PLAAT5: variants seen among roughly 807,000 people sequenced by gnomAD.
The protein encoded by PLAAT5 is phospholipase A and acyltransferase 5.
Under a neutral mutation model 27.8 loss-of-function variants are expected in PLAAT5, and 27 were observed. The observed-to-expected ratio is 0.97, with a 90% CI of 0.72 to 1.34. The LOEUF (loss-of-function observed/expected upper bound fraction) is 1.34. PLAAT5 is among the 40% of genes most tolerant of loss of function. PLAAT5 has a pLI of 0.00. For missense variants in PLAAT5, 368 were observed against 343.8 expected (o/e 1.07, Z -0.56); for synonymous variants, 125 against 136.1 (o/e 0.92, Z 0.57).
At chr11:63,464,434 G>T (rs1156850167) in intron 5 of PLAAT5, among the ~76,000 whole-genome samples, 2 of 152,132 alleles carry the variant, frequency 1.3e-5, no homozygotes, top group African/African-American at 4.8e-5. Context: ...GAGGCGTGTG[G>T]GTCACGAGGT....
chr11:63,463,562 C>A lies in PLAAT5; in HGVS notation c.751G>T (p.Ala251Ser). 6.2e-7 allele frequency: 1 copy of A among 1,613,864 alleles called. No individual in the cohort carries two copies. The highest frequency in any genetic ancestry group is 8.5e-7 in the Non-Finnish European group (1 of 1,180,020). Residue 251 changes from alanine (A) to serine (S), a missense_variant, in exon 6 of 6, where the codon GCT (alanine) becomes TCT (serine). Physicochemically the swap from Ala to Ser is moderately conservative, Grantham distance 99. Transcript: ENST00000540857. ...EHALMEGAKA[A>S]GAVISAVVDS... ...ACTACAGCTGAAATAACTGCTCCAG[C>A]AGCCTTCGCTCCTTCCATCAGGGCG... is the stretch of plus-strand genomic sequence containing the variant.
chr11:63,466,914 G>A (rs192926474), intron 4 of PLAAT5, among the ~76,000 whole-genome samples: 9 of 152,190 alleles, frequency 5.9e-5, no homozygotes, highest in Admixed American at 1.3e-4. Flanking sequence ...ACTCAAATAC[G>A]GGGATTCTCA....
At chr11:63,485,848 G>A (rs12797293) in intron 3 of PLAAT5, among the ~76,000 whole-genome samples, 3,013 of 152,242 alleles carry the variant, frequency 0.02, 42 homozygotes, top group Non-Finnish European at 0.032. Context: ...AACCCACAGA[G>A]TGGGAGAGAA....
intron 3 of PLAAT5, among the ~76,000 whole-genome samples, chr11:63,476,422 C>G (rs761046195): frequency 7.2e-5 from 11 of 152,054 alleles, no homozygotes; most frequent in Non-Finnish European, 1.6e-4. Flanking sequence ...CTCTCATTCT[C>G]CATTCATCTG....
At chr11:63,483,797 ATATG>A (rs1282128896) in intron 3 of PLAAT5, among the ~76,000 whole-genome samples, 11 of 54,116 alleles carry the variant, frequency 2.0e-4, no homozygotes, top group African/African-American at 5.2e-4. Flanking sequence ...ATATATATAT[ATATG>A]TATATATATA....
intron 1 of PLAAT5, chr11:63,490,633 G>C (rs1422121810): frequency 6.6e-6 from 4 of 607,326 alleles, no homozygotes; most frequent in Non-Finnish European, 1.1e-5. Flanking sequence ...AGCCAGAGCC[G>C]GTCTTAACAC....
At chr11:63,480,029 C>A (rs2016246770) in intron 3 of PLAAT5, among the ~76,000 whole-genome samples, 1 of 152,222 alleles carries the variant, frequency 6.6e-6, no homozygotes, top group Non-Finnish European at 1.5e-5. Context: ...CTTTCACCCA[C>A]CATCCACCAT....
intron 3 of PLAAT5, among the ~76,000 whole-genome samples, chr11:63,482,216 T>A (rs1016967255): frequency 1.4e-4 from 22 of 152,102 alleles, no homozygotes; most frequent in Non-Finnish European, 2.9e-5. Flanking sequence ...TGAGAAAAAT[T>A]TCCCTGGCCT....
At chr11:63,464,594 T>G (rs1003718237) in intron 5 of PLAAT5, among the ~76,000 whole-genome samples, 2 of 152,102 alleles carry the variant, frequency 1.3e-5, no homozygotes, top group Non-Finnish European at 1.5e-5. Flanking sequence ...AGGCAGAGGT[T>G]GCAGTGAGCC....
chr11:63,468,534 G>A (rs538986222), intron 3 of PLAAT5, 69 bp from the exon 4 acceptor site: 1 of 1,165,768 alleles, frequency 8.6e-7, no homozygotes, highest in African/African-American at 1.5e-5. Context: ...TTTAGGATCA[G>A]GGACAGCTCA....
chr11:63,464,781 C>A (rs946979348), intron 5 of PLAAT5, among the ~76,000 whole-genome samples: 5 of 152,186 alleles, frequency 3.3e-5, no homozygotes, highest in African/African-American at 1.2e-4. Context: ...AGTTATTTCA[C>A]ATGCACTGAA....
At chr11:63,475,757 CT>C (rs1262328793) in intron 3 of PLAAT5, among the ~76,000 whole-genome samples, 1 of 151,856 alleles carries the variant, frequency 6.6e-6, no homozygotes, top group Non-Finnish European at 1.5e-5. Context: ...CCTCTGTTAA[CT>C]TTTTAATAAC....
intron 4 of PLAAT5, 67 bp from the exon 5 acceptor site, chr11:63,466,439 C>T (rs1206486178): frequency 1.3e-6 from 2 of 1,513,854 alleles, no homozygotes; most frequent in Non-Finnish European, 1.8e-6. Flanking sequence ...CAGTCTAAGA[C>T]TCTGAGTAAG....
chr11:63,465,191 A>C (rs994087602), intron 5 of PLAAT5, among the ~76,000 whole-genome samples: 18 of 152,162 alleles, frequency 1.2e-4, no homozygotes, highest in African/African-American at 4.1e-4. Flanking sequence ...AGGCAGGAGA[A>C]TCGCTTGAAC....
At chr11:63,486,754 CA>C (rs2016444638) in intron 3 of PLAAT5, among the ~76,000 whole-genome samples, 1 of 150,876 alleles carries the variant, frequency 6.6e-6, no homozygotes, top group Non-Finnish European at 1.5e-5. Context: ...CAGAAATCAC[CA>C]CGAAGGAACT....
At chr11:63,465,371 A>AGTGTGTGT (rs58014474) in intron 5 of PLAAT5, among the ~76,000 whole-genome samples, 53 of 145,372 alleles carry the variant, frequency 3.6e-4, no homozygotes, top group Non-Finnish European at 5.0e-4. Flanking sequence ...TCAAACAAAA[A>AGTGTGTGT]GTGTGTGTGT....
intron 3 of PLAAT5, among the ~76,000 whole-genome samples, chr11:63,485,388 A>T (rs2016409452): frequency 6.6e-6 from 1 of 152,256 alleles, no homozygotes; most frequent in South Asian, 2.1e-4. Flanking sequence ...CTATACTGCA[A>T]GGCTATAGTT....
At chr11:63,489,684 A>G (rs1192502526) in intron 2 of PLAAT5, among the ~76,000 whole-genome samples, 1 of 152,238 alleles carries the variant, frequency 6.6e-6, no homozygotes, top group Non-Finnish European at 1.5e-5. Context: ...TGTGTCTCAC[A>G]GTGGTCAAGA....
chr11:63,475,340 GTA>G (rs1240926574), intron 3 of PLAAT5, among the ~76,000 whole-genome samples: 2 of 152,018 alleles, frequency 1.3e-5, no homozygotes, highest in Non-Finnish European at 2.9e-5. Context: ...TGTTGGATAT[GTA>G]TATGTTTATA....
Sources: gnomAD v4.1 joint callset for allele counts (sites outside exome capture counted in the v4.1 genomes callset) on GRCh38, gnomAD v4.1.1 for gene constraint, MANE v1.5 for transcripts, NCBI Gene and HGNC (gene_info 2026-07-23, HGNC 2026-07-21) for gene names.